The following PCSK5 variants were observed in gnomAD, a reference collection of about 807,000 sequenced individuals.
PCSK5 encodes the protein prohormone convertase 5.
Under a neutral mutation model 233.2 loss-of-function variants are expected in PCSK5, and 129 were observed. That is an observed-to-expected ratio of 0.55 (90% confidence interval 0.48 to 0.64). PCSK5 has a LOEUF of 0.64. Among genes scored for constraint, PCSK5 ranks in the 30% least tolerant of loss-of-function variants. The pLI is 0.00. For synonymous variants in PCSK5, 825 were observed against 879.2 expected (o/e 0.94, Z 1.09); for missense variants, 2,076 against 2,430.1 (o/e 0.85, Z 3.06).
At chr9:76,230,700 G>A (rs1019896757) in intron 21 of PCSK5, among the ~76,000 whole-genome samples, 1 of 152,146 alleles carries the variant, frequency 6.6e-6, no homozygotes, top group Non-Finnish European at 1.5e-5. Context: ...ATCAGCAGCA[G>A]CATTAGATTC....
At chr9:76,292,114 A>G (rs755751365) in intron 24 of PCSK5, 119 bp from the exon 25 acceptor site, 2 of 679,114 alleles carry the variant, frequency 2.9e-6, no homozygotes, top group Non-Finnish European at 5.3e-6. Context: ...ATTTCTGGAC[A>G]GTACATTTCA....
At chr9:76,273,177 G>T (rs1216727139) in intron 24 of PCSK5, among the ~76,000 whole-genome samples, 1 of 151,698 alleles carries the variant, frequency 6.6e-6, no homozygotes, top group Non-Finnish European at 1.5e-5. Context: ...TCATCTTTCA[G>T]GTCTCACCTA....
chr9:75,986,961 A>C (rs1417440306), intron 3 of PCSK5, among the ~76,000 whole-genome samples: 1 of 152,192 alleles, frequency 6.6e-6, no homozygotes, highest in Non-Finnish European at 1.5e-5. Flanking sequence ...TGAAATCCAC[A>C]TGTCACCAAT....
intron 21 of PCSK5, among the ~76,000 whole-genome samples, chr9:76,232,511 G>A (rs1359965279): frequency 2.6e-5 from 4 of 152,176 alleles, no homozygotes; most frequent in African/African-American, 9.6e-5. Flanking sequence ...AGCAGCACTG[G>A]CATCATCTGG....
Position 76,310,836 on chromosome 9 carries a change from AC to A in PCSK5, c.3870del (p.Ser1291ProfsTer56). On this transcript the variant is annotated frameshift_variant, in exon 30 of 38. Coordinates refer to ENST00000674117, the MANE Select transcript of PCSK5 (RefSeq NM_001372043.1). LOFTEE classifies it high-confidence loss of function. ...HPLFLHEGRC[Y>X]SKCPEGSYAE... ...CTCTTCCTCCATGAAGGCAGGTGCT[AC>A]TCCAAGTGCCCGGAGTAAGTTTCCT... is the stretch of plus-strand genomic sequence containing the variant. The A allele has an allele frequency of 6.3e-7, 1 of 1,599,448 alleles. No homozygotes were observed. The highest frequency in any genetic ancestry group is 1.1e-5 in the South Asian group (1 of 88,674).
At chr9:76,113,663 G>A (rs1832309887) in intron 9 of PCSK5, among the ~76,000 whole-genome samples, 1 of 152,124 alleles carries the variant, frequency 6.6e-6, no homozygotes, top group South Asian at 2.1e-4. Context: ...TTTTAGAACT[G>A]AGCACTGTTA....
chr9:76,071,848 G>A lies in PCSK5; in HGVS notation c.844G>A (p.Asp282Asn). The change falls in exon 7 of 38, where the codon GAC becomes AAC. Residue 282 changes from aspartate to asparagine, a missense_variant. Asp to Asn is a conservative substitution (Grantham distance 23, BLOSUM62 1). Coordinates refer to ENST00000674117, the MANE Select transcript of PCSK5 (RefSeq NM_001372043.1). Reference protein sequence around the residue: ...WGPDDDGKTVDGPAPLTRQAF... With the variant: ...WGPDDDGKTVNGPAPLTRQAF... The stretch of plus-strand genomic sequence containing the variant: ...CCCGGATGATGATGGCAAGACTGTG[G>A]ACGGACCAGCCCCCCTCACCCGGCA... 1 of 1,614,210 alleles carries A rather than the reference G, an allele frequency of 6.2e-7. No homozygotes were observed. Among genetic ancestry groups the A allele is most frequent in the Non-Finnish European group, 8.5e-7 (1 of 1,180,048 alleles).
At chr9:75,930,027 T>G (rs2131276351) in intron 1 of PCSK5, among the ~76,000 whole-genome samples, 1 of 152,226 alleles carries the variant, frequency 6.6e-6, no homozygotes, top group South Asian at 2.1e-4. Flanking sequence ...CACGCCCAGC[T>G]GATTTTTGTA....
intron 1 of PCSK5, among the ~76,000 whole-genome samples, chr9:75,918,645 C>T (rs1026717307): frequency 6.6e-6 from 1 of 151,980 alleles, no homozygotes. Flanking sequence ...GTAGCATAAT[C>T]GTTTGTATTT....
chr9:76,319,791 GCTC>G (rs1189995844), intron 30 of PCSK5, among the ~76,000 whole-genome samples: 1 of 152,180 alleles, frequency 6.6e-6, no homozygotes, highest in African/African-American at 2.4e-5. Context: ...CCACTTTCAT[GCTC>G]CTCCTGCACT....
chr9:76,175,230 T>C (rs752042104), intron 14 of PCSK5, 101 bp downstream of exon 14: 1 of 622,190 alleles, frequency 1.6e-6, no homozygotes, highest in Non-Finnish European at 2.5e-6. Flanking sequence ...TGAAATGGAA[T>C]GGAATGAAAT....
At chr9:75,920,462 T>C (rs568980970) in intron 1 of PCSK5, among the ~76,000 whole-genome samples, 1 of 152,232 alleles carries the variant, frequency 6.6e-6, no homozygotes, top group African/African-American at 2.4e-5. Context: ...TCACATCTTC[T>C]CTACTCCAAA....
chr9:76,259,945 G>A (rs111548160), intron 24 of PCSK5, among the ~76,000 whole-genome samples: 4,223 of 152,226 alleles, frequency 0.028, 190 homozygotes, highest in African/African-American at 0.095. Flanking sequence ...CTTCTGTGAA[G>A]CCCTTTCTCT....
At chr9:76,096,309 G>A (rs1831512135) in intron 8 of PCSK5, among the ~76,000 whole-genome samples, 1 of 152,072 alleles carries the variant, frequency 6.6e-6, no homozygotes, top group Non-Finnish European at 1.5e-5. Context: ...TCATCACATT[G>A]CAACATTTAA....
chr9:76,352,638 G>A (rs1410064808), intron 36 of PCSK5, among the ~76,000 whole-genome samples: 1 of 152,058 alleles, frequency 6.6e-6, no homozygotes, highest in Admixed American at 6.6e-5. Flanking sequence ...AAAGTGCTAG[G>A]ATTACAGGTG....
intron 28 of PCSK5, among the ~76,000 whole-genome samples, chr9:76,307,277 A>G (rs2131431050): frequency 6.6e-6 from 1 of 152,284 alleles, no homozygotes; most frequent in South Asian, 2.1e-4. Flanking sequence ...TTAGGATGAG[A>G]AGAAAGAAGA....
chr9:76,038,763 C>T (rs1381265871), intron 5 of PCSK5, among the ~76,000 whole-genome samples: 2 of 152,186 alleles, frequency 1.3e-5, no homozygotes, highest in Non-Finnish European at 2.9e-5. Flanking sequence ...GATGCAGCTC[C>T]ATTGACAACC....
intron 32 of PCSK5, among the ~76,000 whole-genome samples, chr9:76,325,259 G>C (rs1431623305): frequency 6.6e-6 from 1 of 152,134 alleles, no homozygotes; most frequent in Non-Finnish European, 1.5e-5. Flanking sequence ...AGGAACTGAG[G>C]TTCAACTTCT....
intron 3 of PCSK5, among the ~76,000 whole-genome samples, chr9:75,987,198 C>A (rs1826554430): frequency 6.6e-6 from 1 of 152,120 alleles, no homozygotes; most frequent in African/African-American, 2.4e-5. Context: ...GCCTGGAATA[C>A]GTTCCCTGCC....
Sources: allele counts gnomAD v4.1 joint callset (sites outside exome capture counted in the v4.1 genomes callset), GRCh38; gene constraint gnomAD v4.1.1; transcripts MANE v1.5; gene names NCBI Gene and HGNC (gene_info 2026-07-23, HGNC 2026-07-21).